Variants in PTPRD observed in about 807,000 individuals in gnomAD.
PTPRD encodes the protein protein tyrosine phosphatase receptor type D, also known as receptor-type tyrosine-protein phosphatase delta.
Under a neutral mutation model 214.5 loss-of-function variants are expected in PTPRD, and 34 were observed. That is an observed-to-expected ratio of 0.16 (90% CI 0.12 to 0.21). PTPRD has a LOEUF of 0.21. Ranked by LOEUF, PTPRD falls within the 10% of genes least tolerant of loss-of-function variation. The pLI is 1.00. For missense variants in PTPRD, 2,545 were observed against 2,398.7 expected (o/e 1.06, Z -1.27); for synonymous variants, 1,128 against 845.7 (o/e 1.33, Z -5.79).
chr9:8,700,792 T>C (rs1035930307), intron 12 of PTPRD: 2 of 152,224 alleles, frequency 1.3e-5, no homozygotes, highest in African/African-American at 2.4e-5. Flanking sequence ...AAAACACTAG[T>C]AATATTCATT....
chr9:8,560,180 T>C (rs2085602460), intron 14 of PTPRD, among the ~76,000 whole-genome samples: 1 of 152,234 alleles, frequency 6.6e-6, no homozygotes, highest in African/African-American at 2.4e-5. Flanking sequence ...GGGTTTATTA[T>C]AATTTGAACA....
At chr9:10,003,595 T>C (rs1030821372) in intron 4 of PTPRD, among the ~76,000 whole-genome samples, 16 of 151,700 alleles carry the variant, frequency 1.1e-4, no homozygotes, top group Admixed American at 3.9e-4. Context: ...CAATGATAAA[T>C]CTTTTTATAA....
Position 8,341,269 on chromosome 9 carries a change from C to T in PTPRD, c.4948-1G>A, listed in dbSNP as rs2132445188. ...TGTGAGCTTTTGAGCTGGCTAGACG[C>T]TGTTGAATAGGAAAAAAAAAAAAGG... On this transcript the variant is annotated splice_acceptor_variant, in intron 40 of 45. Coordinates refer to ENST00000381196, the MANE Select transcript of PTPRD (RefSeq NM_002839.4). LOFTEE classifies it high-confidence loss of function. The T allele has an allele frequency of 6.4e-7, 1 of 1,570,116 alleles. No individual in the cohort carries two copies.
intron 2 of PTPRD, among the ~76,000 whole-genome samples, chr9:10,549,089 C>T (rs1295714447): frequency 6.6e-6 from 1 of 152,138 alleles, no homozygotes; most frequent in East Asian, 1.9e-4. Context: ...ATTACATCAA[C>T]TTATAGACAC....
chr9:8,591,155 A>G (rs568834693), intron 14 of PTPRD, among the ~76,000 whole-genome samples: 12 of 152,296 alleles, frequency 7.9e-5, no homozygotes, highest in African/African-American at 2.9e-4. Context: ...TCACCTGGAT[A>G]ACCCAGAATA....
chr9:8,832,106 G>A (rs1601278559), intron 11 of PTPRD, among the ~76,000 whole-genome samples: 1 of 27,410 alleles, frequency 3.6e-5, no homozygotes, highest in South Asian at 9.3e-4. Context: ...ATGTGTATAT[G>A]TGTGTGTGTG....
intron 6 of PTPRD, among the ~76,000 whole-genome samples, chr9:9,737,873 G>T (rs1242734800): frequency 6.6e-6 from 1 of 152,072 alleles, no homozygotes; most frequent in Non-Finnish European, 1.5e-5. Flanking sequence ...GGGTCATCTG[G>T]TAATTCTATG....
At chr9:9,626,737 G>T (rs1212932297) in intron 7 of PTPRD, among the ~76,000 whole-genome samples, 1 of 152,146 alleles carries the variant, frequency 6.6e-6, no homozygotes. Flanking sequence ...GTTACCCATT[G>T]TAGAGATAAG....
chr9:10,131,385 G>C (rs894131569), intron 3 of PTPRD, among the ~76,000 whole-genome samples: 3 of 152,102 alleles, frequency 2.0e-5, no homozygotes, highest in Middle Eastern at 3.2e-3. Flanking sequence ...AAGTAAGAGA[G>C]TATTCAACCA....
chr9:9,101,768 A>T (rs914846719), intron 10 of PTPRD, among the ~76,000 whole-genome samples: 22 of 152,322 alleles, frequency 1.4e-4, no homozygotes, highest in African/African-American at 4.1e-4. Flanking sequence ...CATGTATAGT[A>T]ATTGAGAATA....
chr9:8,964,192 G>GTTTTTTTT (rs71317391), intron 11 of PTPRD, among the ~76,000 whole-genome samples: 13 of 35,630 alleles, frequency 3.6e-4, no homozygotes, highest in East Asian at 1.2e-3. Context: ...TCAGGGCTGT[G>GTTTTTTTT]TTTTTTTTTT....
chr9:8,444,125 A>C (rs2095641081), intron 34 of PTPRD, among the ~76,000 whole-genome samples: 1 of 152,160 alleles, frequency 6.6e-6, no homozygotes, highest in South Asian at 2.1e-4. Context: ...CAGAAATAGC[A>C]ATGATGGTGT....
intron 9 of PTPRD, among the ~76,000 whole-genome samples, chr9:9,303,599 G>C (rs1956192626): frequency 6.6e-6 from 1 of 152,046 alleles, no homozygotes; most frequent in Admixed American, 6.6e-5. Context: ...TTTTGAATAA[G>C]CCTATCATCT....
chr9:8,856,594 C>T (rs575934949), intron 11 of PTPRD, among the ~76,000 whole-genome samples: 1 of 152,254 alleles, frequency 6.6e-6, no homozygotes, highest in East Asian at 1.9e-4. Context: ...CCTCAGGAAT[C>T]TTCCTAGATA....
intron 9 of PTPRD, among the ~76,000 whole-genome samples, chr9:9,313,235 G>C (rs756882813): frequency 9.2e-5 from 14 of 152,096 alleles, no homozygotes; most frequent in African/African-American, 3.1e-4. Flanking sequence ...GGACTTAACT[G>C]TATTTGAGAG....
chr9:8,676,497 C>T (rs557885037), intron 12 of PTPRD, among the ~76,000 whole-genome samples: 3 of 151,888 alleles, frequency 2.0e-5, no homozygotes, highest in Admixed American at 1.3e-4. Flanking sequence ...ATTCTCATGC[C>T]CCAGCCTCCT....
At chr9:8,427,599 T>A (rs1329968353) in intron 35 of PTPRD, among the ~76,000 whole-genome samples, 1 of 152,116 alleles carries the variant, frequency 6.6e-6, no homozygotes, top group Non-Finnish European at 1.5e-5. Context: ...AAGGGCAACA[T>A]AACAAGTGAT....
chr9:9,985,243 T>C (rs1485416460), intron 4 of PTPRD, among the ~76,000 whole-genome samples: 1 of 152,210 alleles, frequency 6.6e-6, no homozygotes, highest in African/African-American at 2.4e-5. Context: ...TGCGTACTTT[T>C]CCCCAGTCCT....
chr9:10,083,812 T>G (rs1216255538), intron 3 of PTPRD, among the ~76,000 whole-genome samples: 2 of 151,814 alleles, frequency 1.3e-5, no homozygotes, highest in African/African-American at 4.8e-5. Context: ...TACAATAGAG[T>G]TCATGCTTCC....
Sources: allele counts gnomAD v4.1 joint callset (sites outside exome capture counted in the v4.1 genomes callset), GRCh38; gene constraint gnomAD v4.1.1; transcripts MANE v1.5; gene names NCBI Gene and HGNC (gene_info 2026-07-23, HGNC 2026-07-21).